Variants in PPM1E observed in about 807,000 individuals in gnomAD.
The protein encoded by PPM1E is protein phosphatase 1E.
In PPM1E, 20 loss-of-function variants were observed where a neutral mutation model predicts 65.9. The ratio of observed to expected loss-of-function variants is 0.30; its 90% CI spans 0.21 to 0.44. The LOEUF (loss-of-function observed/expected upper bound fraction) is 0.44, where lower values mean the gene tolerates loss of function less well. PPM1E is among the 20% of genes least tolerant of loss of function. PPM1E has a pLI of 1.00. For missense variants in PPM1E, 713 were observed against 953.1 expected, an observed-to-expected ratio of 0.75 and a Z score of 3.32; for synonymous variants, 352 against 374.9, an observed-to-expected ratio of 0.94 and a Z score of 0.70.
chr17:58,893,797 C>T (rs1163694465), intron 1 of PPM1E, among the ~76,000 whole-genome samples: 2 of 152,062 alleles, frequency 1.3e-5, no homozygotes, highest in East Asian at 3.8e-4. Flanking sequence ...TTTGGCCAGG[C>T]ATGATGGCTC....
intron 1 of PPM1E, among the ~76,000 whole-genome samples, chr17:58,876,166 C>T (rs1360820826): frequency 3.9e-5 from 6 of 152,006 alleles, no homozygotes; most frequent in African/African-American, 1.4e-4. Context: ...GGTAGTATAT[C>T]TGTGATTTGT....
At chr17:58,791,748 T>C (rs1455378177) in intron 1 of PPM1E, among the ~76,000 whole-genome samples, 2 of 152,134 alleles carry the variant, frequency 1.3e-5, no homozygotes, top group Admixed American at 6.5e-5. Flanking sequence ...CTACATCACA[T>C]GTATGGAGGT....
intron 2 of PPM1E, among the ~76,000 whole-genome samples, chr17:58,956,409 C>CTT (rs1391275287): frequency 6.6e-6 from 1 of 150,800 alleles, no homozygotes; most frequent in Non-Finnish European, 1.5e-5. Flanking sequence ...GCACTCCAGC[C>CTT]TGGGAGAAAG....
At chr17:58,966,996 T>C (rs1039998754) in intron 3 of PPM1E, among the ~76,000 whole-genome samples, 2 of 152,220 alleles carry the variant, frequency 1.3e-5, no homozygotes, top group African/African-American at 4.8e-5. Flanking sequence ...ACAATCCTTA[T>C]ATCACTATAC....
intron 1 of PPM1E, among the ~76,000 whole-genome samples, chr17:58,796,067 A>G (rs1395015629): frequency 1.3e-5 from 2 of 151,910 alleles, no homozygotes; most frequent in African/African-American, 2.4e-5. Context: ...TTTTGTTGCA[A>G]TTGTTTTTGG....
chr17:58,897,449 A>G (rs926180440), intron 1 of PPM1E, among the ~76,000 whole-genome samples: 3 of 152,096 alleles, frequency 2.0e-5, no homozygotes, highest in South Asian at 2.1e-4. Context: ...GCTACTGCCA[A>G]TTGGTAATGC....
chr17:58,932,751 T>G (rs1311134887), intron 1 of PPM1E, among the ~76,000 whole-genome samples: 1 of 152,058 alleles, frequency 6.6e-6, no homozygotes, highest in Non-Finnish European at 1.5e-5. Flanking sequence ...AAAAGAATAC[T>G]GATAGGTATG....
At chr17:58,773,368 A>G (rs887872543) in intron 1 of PPM1E, among the ~76,000 whole-genome samples, 5 of 152,144 alleles carry the variant, frequency 3.3e-5, no homozygotes, top group Non-Finnish European at 5.9e-5. Flanking sequence ...GGATACATTT[A>G]TCATTCAGTG....
At position 58,881,233 on chromosome 17, in the gene PPM1E, A is replaced by G. The variant is rs1169181274; in HGVS notation, c.465-74416A>G. Among the ~76,000 whole-genome samples the G allele has an allele frequency of 2.0e-5, 3 of 152,220 alleles. No homozygotes were observed. In the East Asian group the frequency reaches 5.8e-4, roughly 29 times the overall value. The stretch of plus-strand genomic sequence containing the variant: ...ACTGCCATTGCAAAAACTTCCAGAA[A>G]TAGAAATACAGAAGGCTGGGCGCAG... On this transcript the variant is annotated intron_variant, in intron 1 of 6. Transcript: ENST00000308249.
At chr17:58,781,690 T>G (rs970934737) in intron 1 of PPM1E, among the ~76,000 whole-genome samples, 2 of 151,424 alleles carry the variant, frequency 1.3e-5, no homozygotes, top group African/African-American at 4.8e-5. Context: ...TCACCTGAGG[T>G]CAGAGTTCCA....
chr17:58,965,672 G>A (rs2030199724), intron 2 of PPM1E, 22 bp from the exon 3 acceptor site: 5 of 1,607,642 alleles, frequency 3.1e-6, no homozygotes, highest in Non-Finnish European at 3.4e-6. Context: ...CTTCATTGGG[G>A]GTTTCTGTGT....
chr17:58,756,174 C>T lies in PPM1E; in HGVS notation c.177C>T (p.Ala59=), dbSNP rs2049760559. The T allele has an allele frequency of 8.3e-6, 13 of 1,575,180 alleles. No homozygotes were observed. Among genetic ancestry groups the T allele is most frequent in the African/African-American group, 1.3e-5 (1 of 74,332 alleles). ...PEPELVEAEA[A]EASVEEPGEE... ...CTGAACTGGTAGAAGCTGAGGCGGC[C>T]GAGGCTTCGGTAGAGGAACCCGGGG... The change falls in exon 1 of 7, where the codon GCC becomes GCT. Residue 59 remains alanine, a synonymous_variant. Coordinates refer to ENST00000308249, the MANE Select transcript of PPM1E (RefSeq NM_014906.5).
At chr17:58,969,068 G>A (rs1329506709) in intron 3 of PPM1E, among the ~76,000 whole-genome samples, 1 of 152,080 alleles carries the variant, frequency 6.6e-6, no homozygotes, top group East Asian at 1.9e-4. Flanking sequence ...TGATTTAATT[G>A]GCCTTGTGTT....
chr17:58,975,043 T>G (rs1373227406), intron 6 of PPM1E, among the ~76,000 whole-genome samples: 1 of 152,196 alleles, frequency 6.6e-6, no homozygotes, highest in Non-Finnish European at 1.5e-5. Flanking sequence ...GGGAAAAGTC[T>G]TTATCATGCA....
At chr17:58,810,986 T>G (rs2050361209) in intron 1 of PPM1E, among the ~76,000 whole-genome samples, 2 of 151,820 alleles carry the variant, frequency 1.3e-5, no homozygotes, top group Non-Finnish European at 2.9e-5. Flanking sequence ...GCCTCCCGAG[T>G]AGGTGGGATT....
intron 1 of PPM1E, among the ~76,000 whole-genome samples, chr17:58,902,178 C>G (rs542804165): frequency 3.2e-4 from 49 of 151,918 alleles, no homozygotes; most frequent in Middle Eastern, 3.4e-3. Context: ...GACCTGTATA[C>G]AGAGTTATAG....
intron 1 of PPM1E, among the ~76,000 whole-genome samples, chr17:58,836,998 C>A (rs1372441047): frequency 3.9e-5 from 5 of 128,420 alleles, no homozygotes; most frequent in Non-Finnish European, 8.0e-5. Context: ...CCAGCCTGGG[C>A]GACAGAGCGA....
intron 1 of PPM1E, among the ~76,000 whole-genome samples, chr17:58,763,246 ACT>A (rs1484955418): frequency 8.6e-5 from 13 of 151,868 alleles, no homozygotes; most frequent in African/African-American, 2.2e-4. Flanking sequence ...GCTGATGGAG[ACT>A]CTGTCCTTTT....
At chr17:58,916,358 C>T (rs1352061072) in intron 1 of PPM1E, among the ~76,000 whole-genome samples, 1 of 152,128 alleles carries the variant, frequency 6.6e-6, no homozygotes, top group African/African-American at 2.4e-5. Flanking sequence ...TCCCTGATCC[C>T]ATTTAAGTAA....
Sources: allele counts gnomAD v4.1 joint callset (sites outside exome capture counted in the v4.1 genomes callset), GRCh38; gene constraint gnomAD v4.1.1; transcripts MANE v1.5; gene names NCBI Gene and HGNC (gene_info 2026-07-23, HGNC 2026-07-21).